The following CFAP299 variants were observed in gnomAD, a reference collection of about 807,000 sequenced individuals.
CFAP299 encodes the protein cilia and flagella associated protein 299, also known as cilia- and flagella-associated protein 299.
Under a neutral mutation model 27.0 loss-of-function variants are expected in CFAP299, and 21 were observed. That is an observed-to-expected ratio of 0.78 (90% CI 0.55 to 1.12). The LOEUF is 1.12. Ranked by LOEUF, CFAP299 falls within the 50% of genes most tolerant of loss-of-function variation. The pLI, the probability that CFAP299 is intolerant of heterozygous loss-of-function variation, is 0.00. For missense variants in CFAP299, 310 were observed against 276.6 expected, an observed-to-expected ratio of 1.12 and a Z score of -0.86; for synonymous variants, 104 against 98.1, an observed-to-expected ratio of 1.06 and a Z score of -0.36.
chr4:80,871,240 T>C (rs1310219736), intron 4 of CFAP299: 5 of 985,470 alleles, frequency 5.1e-6, no homozygotes, highest in Non-Finnish European at 6.0e-6. Flanking sequence ...AGCTCTTTCC[T>C]GTCCTACCTA....
chr4:80,387,213 C>T (rs1236167889), intron 2 of CFAP299: 17 of 1,417,006 alleles, frequency 1.2e-5, no homozygotes, highest in Non-Finnish European at 1.7e-5. Context: ...ACGCTCAGGT[C>T]GTACATCGGG....
At chr4:80,508,300 G>T (rs2110160268) in intron 2 of CFAP299, among the ~76,000 whole-genome samples, 1 of 152,220 alleles carries the variant, frequency 6.6e-6, no homozygotes, top group African/African-American at 2.4e-5. Context: ...GTGCTATACA[G>T]AATTATTTTC....
At chr4:80,450,220 A>G (rs1728832785) in intron 2 of CFAP299, among the ~76,000 whole-genome samples, 1 of 152,174 alleles carries the variant, frequency 6.6e-6, no homozygotes, top group African/African-American at 2.4e-5. Flanking sequence ...TTACCAGCCT[A>G]TGTATGTCTT....
chr4:80,868,879 A>T (rs1732901188), intron 3 of CFAP299, among the ~76,000 whole-genome samples: 1 of 148,574 alleles, frequency 6.7e-6, no homozygotes, highest in African/African-American at 2.5e-5. Context: ...TCTGTAATAT[A>T]ATTCCATGGG....
chr4:80,621,156 T>G (rs2109931572), intron 3 of CFAP299, among the ~76,000 whole-genome samples: 1 of 152,178 alleles, frequency 6.6e-6, no homozygotes, highest in Middle Eastern at 3.4e-3. Context: ...AATAGAATTT[T>G]GGGGGGATTC....
At chr4:80,372,432 G>A (rs763627562) in intron 2 of CFAP299, among the ~76,000 whole-genome samples, 7 of 152,198 alleles carry the variant, frequency 4.6e-5, no homozygotes, top group African/African-American at 7.2e-5. Context: ...TGTAGCAGGC[G>A]TTCAATGAGT....
chr4:80,476,349 G>T (rs1308369251), intron 2 of CFAP299, among the ~76,000 whole-genome samples: 1 of 152,148 alleles, frequency 6.6e-6, no homozygotes, highest in Non-Finnish European at 1.5e-5. Context: ...ACTTAGTGAT[G>T]AGTAACTCAC....
At chr4:80,941,006 C>T (rs2110227645) in intron 4 of CFAP299, among the ~76,000 whole-genome samples, 1 of 152,184 alleles carries the variant, frequency 6.6e-6, no homozygotes, top group Non-Finnish European at 1.5e-5. Context: ...CCAGGGCCTC[C>T]CATAGGTAGC....
intron 3 of CFAP299, among the ~76,000 whole-genome samples, chr4:80,825,362 G>A (rs1050164834): frequency 6.6e-6 from 1 of 151,928 alleles, no homozygotes; most frequent in Non-Finnish European, 1.5e-5. Flanking sequence ...AAAAACAGTA[G>A]CCAAAAGCAT....
intron 2 of CFAP299, among the ~76,000 whole-genome samples, chr4:80,481,190 C>T (rs1173585811): frequency 6.6e-6 from 1 of 151,872 alleles, no homozygotes; most frequent in Non-Finnish European, 1.5e-5. Context: ...ATAGTTCAGA[C>T]AAGGGTACCA....
At chr4:80,566,784 C>A (rs1735314689) in intron 2 of CFAP299, among the ~76,000 whole-genome samples, 1 of 152,002 alleles carries the variant, frequency 6.6e-6, no homozygotes, top group Admixed American at 6.6e-5. Flanking sequence ...GTAGCTGCCT[C>A]CGAGGAGAGA....
chr4:80,619,022 CT>C (rs1234177317), intron 3 of CFAP299, among the ~76,000 whole-genome samples: 1 of 152,022 alleles, frequency 6.6e-6, no homozygotes, highest in African/African-American at 2.4e-5. Flanking sequence ...CTTTCCATTA[CT>C]TTTTGAAGTC....
intron 3 of CFAP299, among the ~76,000 whole-genome samples, chr4:80,751,941 T>C (rs766750962): frequency 5.3e-5 from 8 of 152,162 alleles, no homozygotes; most frequent in Non-Finnish European, 8.8e-5. Context: ...CCAGGGATCC[T>C]GGGGCCAGAG....
At chr4:80,961,227 A>G (rs925101743) in intron 5 of CFAP299, among the ~76,000 whole-genome samples, 3 of 151,746 alleles carry the variant, frequency 2.0e-5, no homozygotes, top group Non-Finnish European at 4.4e-5. Context: ...AGACCTAAGT[A>G]AGTTCAAGAA....
At chr4:80,883,885 G>A (rs1244022750) in intron 4 of CFAP299, among the ~76,000 whole-genome samples, 1 of 152,074 alleles carries the variant, frequency 6.6e-6, no homozygotes, top group African/African-American at 2.4e-5. Context: ...TTTATTTTAA[G>A]TTCAGGGGTA....
intron 1 of CFAP299, among the ~76,000 whole-genome samples, chr4:80,340,857 C>A (rs563765939): frequency 2.6e-4 from 39 of 152,066 alleles, no homozygotes; most frequent in African/African-American, 9.4e-4. Context: ...CTCACAGCAA[C>A]CTCCGCCTCT....
chr4:80,663,126 A>C (rs183399601), intron 3 of CFAP299, among the ~76,000 whole-genome samples: 67 of 151,962 alleles, frequency 4.4e-4, no homozygotes, highest in Non-Finnish European at 1.8e-4. Context: ...CATTTTTAAA[A>C]TTTTTTTATT....
intron 1 of CFAP299, among the ~76,000 whole-genome samples, chr4:80,351,802 T>A (rs150371035): frequency 6.6e-6 from 1 of 150,774 alleles, no homozygotes; most frequent in East Asian, 1.9e-4. Context: ...AATGTTATAG[T>A]TATAGTAATA....
chr4:80,416,700 A>G (rs1243831630), intron 2 of CFAP299, among the ~76,000 whole-genome samples: 1 of 152,252 alleles, frequency 6.6e-6, no homozygotes, highest in Non-Finnish European at 1.5e-5. Context: ...TTGTATTACA[A>G]CTATTTACTT....
Sources: gnomAD v4.1 joint callset for allele counts (sites outside exome capture counted in the v4.1 genomes callset) on GRCh38, gnomAD v4.1.1 for gene constraint, MANE v1.5 for transcripts, NCBI Gene and HGNC (gene_info 2026-07-23, HGNC 2026-07-21) for gene names.